KIF16B: variants seen among roughly 807,000 people sequenced by gnomAD.
KIF16B encodes kinesin family member 16B.
In KIF16B, 98 loss-of-function variants were observed where a neutral mutation model predicts 156.3. The observed-to-expected ratio is 0.63, with a 90% CI of 0.53 to 0.74. The LOEUF is 0.74. Ranked by LOEUF, KIF16B falls within the 30% of genes least tolerant of loss-of-function variation. The probability of loss-of-function intolerance (pLI) is 0.00; values close to 1 mark genes in which losing one functional copy is unlikely to be tolerated. For missense variants in KIF16B, 1,421 were observed against 1,606.5 expected (o/e 0.88, Z 1.97); for synonymous variants, 564 against 583.7 (o/e 0.97, Z 0.49).
chr20:16,426,797 T>C (rs912558561), intron 15 of KIF16B, among the ~76,000 whole-genome samples: 1 of 152,080 alleles, frequency 6.6e-6, no homozygotes, highest in East Asian at 1.9e-4. Flanking sequence ...AAAGAAACCA[T>C]TGTGTTAAGG....
intron 25 of KIF16B, among the ~76,000 whole-genome samples, chr20:16,285,008 C>T (rs1388345735): frequency 7.2e-5 from 11 of 152,162 alleles, no homozygotes; most frequent in South Asian, 6.2e-4. Context: ...TCTGAGAGGA[C>T]GGAAGTGTCT....
chr20:16,517,210 CTTT>C, intron 3 of KIF16B, among the ~76,000 whole-genome samples: 1 of 152,348 alleles, frequency 6.6e-6, no homozygotes, highest in South Asian at 2.1e-4. Flanking sequence ...CTTCTACAGA[CTTT>C]GTTTCCTCAG....
intron 15 of KIF16B, among the ~76,000 whole-genome samples, chr20:16,420,927 G>A (rs1025158866): frequency 6.6e-6 from 1 of 152,146 alleles, no homozygotes; most frequent in Non-Finnish European, 1.5e-5. Context: ...CTAACGAGAT[G>A]AAATAGCACA....
At chr20:16,408,586 G>A (rs1378904309) in intron 15 of KIF16B, among the ~76,000 whole-genome samples, 1 of 152,098 alleles carries the variant, frequency 6.6e-6, no homozygotes, top group Non-Finnish European at 1.5e-5. Context: ...GCCCAGTCAT[G>A]CAAGTTGAAA....
At chr20:16,424,062 C>T (rs1222061920) in intron 15 of KIF16B, among the ~76,000 whole-genome samples, 2 of 152,080 alleles carry the variant, frequency 1.3e-5, no homozygotes, top group Admixed American at 1.3e-4. Context: ...CCCCTCCATT[C>T]TACATTGCTA....
intron 25 of KIF16B, among the ~76,000 whole-genome samples, chr20:16,304,829 CAAAT>C (rs1174246803): frequency 6.6e-6 from 1 of 151,954 alleles, no homozygotes; most frequent in Non-Finnish European, 1.5e-5. Context: ...ATGTCTAAAC[CAAAT>C]AATTCTATTA....
At chr20:16,359,012 A>G (rs766575615) in intron 22 of KIF16B, among the ~76,000 whole-genome samples, 2 of 152,236 alleles carry the variant, frequency 1.3e-5, no homozygotes, top group Admixed American at 6.5e-5. Flanking sequence ...TCTCAACTGC[A>G]CATGTTTGGA....
At position 16,526,089 on chromosome 20, in the gene KIF16B, T is replaced by C. The variant is rs746761326; in HGVS notation, c.231+3A>G. 10 of 1,479,504 alleles carry C rather than the reference T, an allele frequency of 6.8e-6. No homozygotes were observed. Among genetic ancestry groups the C allele is most frequent in the African/African-American group, 1.4e-5 (1 of 71,566 alleles). 91.6% of individuals were successfully genotyped at this position (1,479,504 alleles called of 1,614,324 possible). A position where few individuals can be genotyped will look rare whatever the true frequency, so the allele number is the denominator to read the frequency against. On this transcript the variant is annotated splice_donor_region_variant and intron_variant, in intron 3 of 25. Coordinates refer to ENST00000354981, the MANE Select transcript of KIF16B (RefSeq NM_024704.5). ...ACATAAATATTTTGAAAATATCATA[T>C]ACCATTTCTTGTGAAACGTAATCTG... is the stretch of plus-strand genomic sequence containing the variant.
chr20:16,453,183 T>C lies in KIF16B; in HGVS notation c.1303-23201A>G, dbSNP rs922663670. Among the ~76,000 whole-genome samples the C allele has an allele frequency of 2.6e-5, 4 of 151,760 alleles. No individual in the cohort carries two copies. The South Asian group carries it at 6.2e-4, about 24-fold the overall frequency. On this transcript the variant is annotated intron_variant, in intron 12 of 25. Coordinates refer to ENST00000354981, the MANE Select transcript of KIF16B (RefSeq NM_024704.5). ...TACTTGGGAGGCTAAGGTGGGAGGA[T>C]AACTTGAGCCTAGGAGCTCAAGGCT...
intron 25 of KIF16B, among the ~76,000 whole-genome samples, chr20:16,286,163 T>G (rs1241456489): frequency 6.6e-6 from 1 of 152,210 alleles, no homozygotes; most frequent in African/African-American, 2.4e-5. Flanking sequence ...TCAGTCAATA[T>G]TTGTTGAATG....
chr20:16,529,644 T>C (rs189010459), intron 1 of KIF16B, among the ~76,000 whole-genome samples: 27 of 152,326 alleles, frequency 1.8e-4, no homozygotes, highest in Non-Finnish European at 1.8e-4. Context: ...ATAAGTTTGA[T>C]GAGGTTAAGT....
chr20:16,476,312 C>T (rs974646717), intron 12 of KIF16B, among the ~76,000 whole-genome samples: 3 of 152,204 alleles, frequency 2.0e-5, no homozygotes, highest in African/African-American at 7.2e-5. Flanking sequence ...TTGTATTATA[C>T]TCCAATATTT....
intron 11 of KIF16B, 145 bp from the exon 12 acceptor site, chr20:16,494,495 C>T: frequency 3.5e-6 from 2 of 567,248 alleles, no homozygotes; most frequent in Non-Finnish European, 6.2e-6. Flanking sequence ...AGAACCATCA[C>T]CAAAGATAAA....
At chr20:16,426,140 A>G (rs567371748) in intron 15 of KIF16B, among the ~76,000 whole-genome samples, 61 of 152,316 alleles carry the variant, frequency 4.0e-4, no homozygotes, top group African/African-American at 1.4e-3. Flanking sequence ...TCAACATGAG[A>G]TTTGGGTGGG....
chr20:16,275,971 G>T (rs1001143765), intron 25 of KIF16B, among the ~76,000 whole-genome samples: 5 of 152,232 alleles, frequency 3.3e-5, no homozygotes, highest in Non-Finnish European at 7.3e-5. Flanking sequence ...AACGGGAGAT[G>T]CAGAGCTTGC....
intron 24 of KIF16B, among the ~76,000 whole-genome samples, chr20:16,332,480 A>G (rs1482570732): frequency 6.6e-6 from 1 of 152,210 alleles, no homozygotes; most frequent in Non-Finnish European, 1.5e-5. Context: ...CCACTCTCAT[A>G]GTCTGTTTTC....
intron 6 of KIF16B, among the ~76,000 whole-genome samples, chr20:16,509,368 C>A (rs781647482): frequency 2.5e-4 from 38 of 152,152 alleles, no homozygotes; most frequent in Admixed American, 3.9e-4. Flanking sequence ...AATTTCTAGA[C>A]AGTTGAAATT....
At chr20:16,423,523 C>A (rs2066276653) in intron 15 of KIF16B, among the ~76,000 whole-genome samples, 1 of 152,102 alleles carries the variant, frequency 6.6e-6, no homozygotes, top group South Asian at 2.1e-4. Flanking sequence ...GCAATAGTGA[C>A]CTTGTTCTAC....
intron 1 of KIF16B, among the ~76,000 whole-genome samples, chr20:16,536,762 G>A (rs1335260876): frequency 6.6e-6 from 1 of 152,034 alleles, no homozygotes; most frequent in East Asian, 1.9e-4. Context: ...AAGAAAGGAG[G>A]AAGGCAGACT....
Sources: allele counts gnomAD v4.1 joint callset (sites outside exome capture counted in the v4.1 genomes callset), GRCh38; gene constraint gnomAD v4.1.1; transcripts MANE v1.5; gene names NCBI Gene and HGNC (gene_info 2026-07-23, HGNC 2026-07-21).